LRP1B: variants seen among roughly 807,000 people sequenced by gnomAD.
LRP1B encodes low-density lipoprotein receptor-related protein 1B.
In LRP1B, 217 loss-of-function variants were observed where a neutral mutation model predicts 556.6. The observed-to-expected ratio is 0.39, with a 90% confidence interval of 0.35 to 0.44. LRP1B has a LOEUF of 0.44. Among genes scored for constraint, LRP1B ranks in the 20% least tolerant of loss-of-function variants. The pLI, the probability that LRP1B is intolerant of heterozygous loss-of-function variation, is 1.00. For missense variants in LRP1B, 5,053 were observed against 5,620.8 expected (o/e 0.90, Z 3.23); for synonymous variants, 2,047 against 1,865.8 (o/e 1.10, Z -2.50).
At chr2:141,219,177 G>A (rs142234610) in intron 6 of LRP1B, among the ~76,000 whole-genome samples, 7 of 152,304 alleles carry the variant, frequency 4.6e-5, no homozygotes, top group African/African-American at 1.7e-4. Context: ...GTGGCTTCAG[G>A]CTGGACACTG....
chr2:141,676,892 G>A (rs1329849879), intron 2 of LRP1B, among the ~76,000 whole-genome samples: 1 of 152,100 alleles, frequency 6.6e-6, no homozygotes, highest in African/African-American at 2.4e-5. Flanking sequence ...TGCCAACTAT[G>A]GGCCAAGCAA....
chr2:141,826,063 TAAAATA>T (rs531330527), intron 1 of LRP1B, among the ~76,000 whole-genome samples: 112 of 152,142 alleles, frequency 7.4e-4, no homozygotes, highest in African/African-American at 2.6e-3. Context: ...TATATTTAGT[TAAAATA>T]AGAACATAGA....
intron 3 of LRP1B, among the ~76,000 whole-genome samples, chr2:141,414,246 A>AAAG (rs1690991271): frequency 6.8e-6 from 1 of 147,808 alleles, no homozygotes; most frequent in South Asian, 2.1e-4. Context: ...TCAAAAAAAA[A>AAAG]AAAAAAAGAA....
At chr2:141,136,088 T>C (rs1701485121) in intron 7 of LRP1B, among the ~76,000 whole-genome samples, 1 of 151,928 alleles carries the variant, frequency 6.6e-6, no homozygotes, top group Admixed American at 6.6e-5. Flanking sequence ...TACCAACAAA[T>C]TCAATTAGAA....
intron 3 of LRP1B, among the ~76,000 whole-genome samples, chr2:141,262,602 T>G (rs2105353880): frequency 6.6e-6 from 1 of 152,314 alleles, no homozygotes; most frequent in South Asian, 2.1e-4. Context: ...TGGTAAAATC[T>G]ATGACTGAAG....
intron 58 of LRP1B, among the ~76,000 whole-genome samples, chr2:140,487,189 T>A (rs1688505612): frequency 6.6e-6 from 1 of 151,938 alleles, no homozygotes; most frequent in Admixed American, 6.6e-5. Context: ...TTCAATTATT[T>A]ACAACTGTAA....
chr2:140,599,997 A>T (rs1441471), intron 42 of LRP1B, among the ~76,000 whole-genome samples: 31,837 of 152,074 alleles, frequency 0.21, 3,621 homozygotes, highest in Middle Eastern at 0.29. Flanking sequence ...AATTGCCTTT[A>T]TTATACTTTA....
chr2:140,780,678 C>T (rs1377542347), intron 32 of LRP1B, among the ~76,000 whole-genome samples: 2 of 152,150 alleles, frequency 1.3e-5, no homozygotes, highest in Non-Finnish European at 2.9e-5. Context: ...TCTGCAAATC[C>T]TCACATTTCA....
At chr2:140,303,439 G>C (rs1040755212) in intron 83 of LRP1B, among the ~76,000 whole-genome samples, 5 of 151,754 alleles carry the variant, frequency 3.3e-5, no homozygotes, top group African/African-American at 1.2e-4. Context: ...AGTAGAGATG[G>C]GGTTTCATTA....
chr2:140,730,140 C>T (rs1319121787), intron 35 of LRP1B, among the ~76,000 whole-genome samples: 1 of 152,220 alleles, frequency 6.6e-6, no homozygotes, highest in Non-Finnish European at 1.5e-5. Flanking sequence ...TATACCACTA[C>T]AGTTTCATTC....
chr2:141,602,274 T>C (rs1189716415), intron 2 of LRP1B, among the ~76,000 whole-genome samples: 2 of 152,198 alleles, frequency 1.3e-5, no homozygotes. Flanking sequence ...ACCATAAATC[T>C]GGTGAGGTTG....
At chr2:140,755,356 C>G (rs1423317331) in intron 35 of LRP1B, among the ~76,000 whole-genome samples, 1 of 151,786 alleles carries the variant, frequency 6.6e-6, no homozygotes, top group Non-Finnish European at 1.5e-5. Flanking sequence ...GCCAATGATA[C>G]CATAAGAAAG....
chr2:140,253,031 A>G (rs986002538), intron 86 of LRP1B, among the ~76,000 whole-genome samples: 3 of 152,052 alleles, frequency 2.0e-5, no homozygotes, highest in Non-Finnish European at 2.9e-5. Flanking sequence ...TCCAAATTTG[A>G]CTGTTAATGT....
rs753030478 is a variant in LRP1B at position 140,492,730 on chromosome 2, T to C, written c.9035-37A>G. The C allele has an allele frequency of 2.9e-6, 4 of 1,364,566 alleles. No homozygotes were observed. In the Admixed American group the frequency reaches 6.7e-5, roughly 23 times the overall value. 84.5% of individuals were successfully genotyped at this position (1,364,566 alleles called of 1,614,324 possible). On this transcript the variant is annotated intron_variant, in intron 56 of 90. Coordinates refer to ENST00000389484, the MANE Select transcript of LRP1B (RefSeq NM_018557.3). ...CACAAATAACATATTAGACTTTAAG[T>C]ATGTATGCTTTTCCCCTTTGCATAA...
intron 1 of LRP1B, among the ~76,000 whole-genome samples, chr2:142,089,091 C>T (rs913510120): frequency 3.3e-5 from 5 of 151,762 alleles, no homozygotes; most frequent in African/African-American, 1.2e-4. Context: ...CTTCTAGGCA[C>T]TGGAAATACA....
At chr2:141,615,627 T>C (rs1388733842) in intron 2 of LRP1B, among the ~76,000 whole-genome samples, 1 of 152,152 alleles carries the variant, frequency 6.6e-6, no homozygotes, top group Non-Finnish European at 1.5e-5. Flanking sequence ...TGACTGTAAG[T>C]ATATTGTGTT....
intron 18 of LRP1B, among the ~76,000 whole-genome samples, chr2:140,965,817 T>TTTC (rs397935319): frequency 6.6e-6 from 1 of 151,040 alleles, no homozygotes; most frequent in African/African-American, 2.4e-5. Context: ...TTTTTTTTTT[T>TTTC]CCCTGCAATA....
intron 1 of LRP1B, among the ~76,000 whole-genome samples, chr2:141,892,918 C>G (rs1220986504): frequency 6.6e-6 from 1 of 152,116 alleles, no homozygotes; most frequent in Non-Finnish European, 1.5e-5. Context: ...CTGAGCTTCA[C>G]CATTATGTGA....
chr2:141,794,341 T>C (rs1453357477), intron 2 of LRP1B, among the ~76,000 whole-genome samples: 2 of 151,942 alleles, frequency 1.3e-5, no homozygotes, highest in Non-Finnish European at 1.5e-5. Flanking sequence ...GCCTCACATT[T>C]TGTAAAACCT....
Sources: allele counts gnomAD v4.1 joint callset (sites outside exome capture counted in the v4.1 genomes callset), GRCh38; gene constraint gnomAD v4.1.1; transcripts MANE v1.5; gene names NCBI Gene and HGNC (gene_info 2026-07-23, HGNC 2026-07-21).